The following SPOCK3 variants were observed in gnomAD, a reference collection of about 807,000 sequenced individuals.
SPOCK3 encodes the protein testican-3.
In SPOCK3, 30 loss-of-function variants were observed where a neutral mutation model predicts 56.6. The ratio of observed to expected loss-of-function variants is 0.53; its 90% CI spans 0.40 to 0.72. The LOEUF (loss-of-function observed/expected upper bound fraction) is 0.72. SPOCK3 is among the 30% of genes least tolerant of loss of function. The pLI, the probability that SPOCK3 is intolerant of heterozygous loss-of-function variation, is 0.00. For missense variants in SPOCK3, 527 were observed against 530.0 expected, an observed-to-expected ratio of 0.99 and a Z score of 0.06; for synonymous variants, 196 against 183.3, an observed-to-expected ratio of 1.07 and a Z score of -0.56.
intron 2 of SPOCK3, among the ~76,000 whole-genome samples, chr4:167,093,008 G>A (rs1758836481): frequency 6.6e-6 from 1 of 152,098 alleles, no homozygotes; most frequent in African/African-American, 2.4e-5. Context: ...GAAAATGATA[G>A]AGAAATTCTG....
chr4:167,183,876 T>A (rs972106738), intron 2 of SPOCK3, among the ~76,000 whole-genome samples: 3 of 152,144 alleles, frequency 2.0e-5, no homozygotes, highest in Non-Finnish European at 4.4e-5. Flanking sequence ...TAAAGGAAGA[T>A]GTAGAAGAAA....
In SPOCK3 at chr4:166,742,000, G is replaced by A; in HGVS notation, c.991C>T (p.Leu331=). 1 of 1,610,214 alleles carries A rather than the reference G, an allele frequency of 6.2e-7. No homozygotes were observed. Among genetic ancestry groups the A allele is most frequent in the Non-Finnish European group, 8.5e-7 (1 of 1,176,876 alleles). The part of the protein sequence containing the change: ...IQKRQGVKKL[L]GQYIPLCDED... The stretch of plus-strand genomic sequence containing the variant: ...AGAAGAATGATCTATTACTCACCTA[G>A]GAGCTTCTTTACCCCTTGCCGCTTC... Residue 331 remains leucine, a synonymous_variant, in exon 9 of 11, where the codon CTA becomes TTA. Transcript: ENST00000357545.
At chr4:166,887,124 A>G (rs1734283977) in intron 6 of SPOCK3, among the ~76,000 whole-genome samples, 1 of 152,162 alleles carries the variant, frequency 6.6e-6, no homozygotes, top group South Asian at 2.1e-4. Flanking sequence ...TATGAAAAAT[A>G]ATTATTGTTT....
intron 2 of SPOCK3, among the ~76,000 whole-genome samples, chr4:167,218,243 G>C (rs1735559627): frequency 6.6e-6 from 1 of 152,108 alleles, no homozygotes; most frequent in Admixed American, 6.6e-5. Flanking sequence ...TGTGTTAATA[G>C]CAAAGTAAGT....
chr4:166,795,842 CCT>C (rs1218579066), intron 6 of SPOCK3, among the ~76,000 whole-genome samples: 1 of 152,020 alleles, frequency 6.6e-6, no homozygotes, highest in African/African-American at 2.4e-5. Context: ...TAAAATGTCC[CCT>C]CATTCCCACA....
chr4:167,164,496 C>T (rs1187176560), intron 2 of SPOCK3, among the ~76,000 whole-genome samples: 1 of 151,996 alleles, frequency 6.6e-6, no homozygotes. Flanking sequence ...CATAGGTATA[C>T]ATGTGCCATG....
intron 2 of SPOCK3, among the ~76,000 whole-genome samples, chr4:167,127,098 T>C (rs1762346389): frequency 6.6e-6 from 1 of 152,222 alleles, no homozygotes; most frequent in Admixed American, 6.5e-5. Context: ...GATTGATTGA[T>C]ATTTTAGAAG....
chr4:167,009,921 T>C (rs2703845), intron 3 of SPOCK3, among the ~76,000 whole-genome samples: 151,869 of 152,084 alleles, frequency 1, 75,827 homozygotes, highest in Middle Eastern at 1. Flanking sequence ...TAAAACAGAC[T>C]TTCTAGAAAT....
At chr4:166,908,777 T>A (rs956573036) in intron 5 of SPOCK3, among the ~76,000 whole-genome samples, 2 of 152,028 alleles carry the variant, frequency 1.3e-5, no homozygotes, top group East Asian at 1.9e-4. Flanking sequence ...CATAACAAAG[T>A]GGGAAATACA....
intron 2 of SPOCK3, among the ~76,000 whole-genome samples, chr4:167,097,689 A>G: frequency 6.6e-6 from 1 of 151,930 alleles, no homozygotes; most frequent in East Asian, 1.9e-4. Flanking sequence ...CAGAAATCTC[A>G]TTATTGGGTA....
chr4:166,832,211 T>C (rs1031302635), intron 6 of SPOCK3, among the ~76,000 whole-genome samples: 6 of 152,094 alleles, frequency 3.9e-5, no homozygotes, highest in African/African-American at 1.4e-4. Context: ...GATTCTTAGT[T>C]TGAGGCCTTA....
At chr4:167,056,228 T>C (rs1466328894) in intron 3 of SPOCK3, among the ~76,000 whole-genome samples, 1 of 152,104 alleles carries the variant, frequency 6.6e-6, no homozygotes, top group Non-Finnish European at 1.5e-5. Flanking sequence ...CTCCAACAGA[T>C]CTGCAGCTGA....
At chr4:167,022,764 A>C (rs959585178) in intron 3 of SPOCK3, among the ~76,000 whole-genome samples, 1 of 152,038 alleles carries the variant, frequency 6.6e-6, no homozygotes, top group Non-Finnish European at 1.5e-5. Flanking sequence ...AATTACAAAT[A>C]GACCCTGAGT....
chr4:166,765,226 A>C (rs965413404), intron 7 of SPOCK3, among the ~76,000 whole-genome samples: 7 of 152,064 alleles, frequency 4.6e-5, no homozygotes, highest in African/African-American at 1.7e-4. Context: ...TTTTGTTGCC[A>C]TTGCTTTTGG....
intron 2 of SPOCK3, among the ~76,000 whole-genome samples, chr4:167,205,370 T>TAA (rs1561321712): frequency 0.014 from 489 of 35,214 alleles, 35 homozygotes; most frequent in African/African-American, 0.064. Context: ...ATTATATATT[T>TAA]TATATATATA....
intron 6 of SPOCK3, among the ~76,000 whole-genome samples, chr4:166,864,078 C>CT (rs1731525744): frequency 6.7e-6 from 1 of 149,736 alleles, no homozygotes; most frequent in Admixed American, 6.7e-5. Flanking sequence ...AAATTGTAAC[C>CT]GTCTCTCAGA....
intron 2 of SPOCK3, among the ~76,000 whole-genome samples, chr4:167,074,906 C>A (rs1757035145): frequency 6.6e-6 from 1 of 151,808 alleles, no homozygotes. Flanking sequence ...AGAGTACGTA[C>A]AATGTTTTGA....
intron 4 of SPOCK3, among the ~76,000 whole-genome samples, chr4:166,956,832 A>G (rs1391934502): frequency 6.6e-6 from 1 of 152,040 alleles, no homozygotes; most frequent in African/African-American, 2.4e-5. Flanking sequence ...CCAGTTTAGA[A>G]TCCATAAGTT....
Position 167,188,623 on chromosome 4 carries a change from G to A in SPOCK3, c.189+45362C>T, listed in dbSNP as rs1018770480. 3.5e-5 allele frequency among the ~76,000 whole-genome samples: 5 copies of A among 144,662 alleles called. No individual in the cohort carries two copies. The East Asian group carries it at 6.3e-4, about 18-fold the overall frequency. The allele number at this position is 144,662 out of a possible 152,430, so 94.9% of individuals were successfully genotyped here. A position where few individuals can be genotyped will look rare whatever the true frequency, so the allele number is the denominator to read the frequency against. On this transcript the variant is annotated intron_variant, in intron 2 of 10. Transcript: ENST00000357545. ...AGATAAATTTGAGCCCCAAATAAGC[G>A]AAAAAATAAATAAGAAAAGAGCAGA... is the stretch of plus-strand genomic sequence containing the variant.
Sources: gnomAD v4.1 joint callset for allele counts (sites outside exome capture counted in the v4.1 genomes callset) on GRCh38, gnomAD v4.1.1 for gene constraint, MANE v1.5 for transcripts, NCBI Gene and HGNC (gene_info 2026-07-23, HGNC 2026-07-21) for gene names.